Variants in CASR observed in about 807,000 individuals in gnomAD.
The protein encoded by CASR is calcium sensing receptor, also known as extracellular calcium-sensing receptor.
In CASR, 23 loss-of-function variants were observed where a neutral mutation model predicts 69.1. The observed-to-expected ratio is 0.33, with a 90% CI of 0.24 to 0.47. The LOEUF (loss-of-function observed/expected upper bound fraction) is 0.47. Among genes scored for constraint, CASR ranks in the 20% least tolerant of loss-of-function variants. CASR has a pLI of 1.00. For synonymous variants in CASR, 541 were observed against 544.7 expected, an observed-to-expected ratio of 0.99 and a Z score of 0.10; for missense variants, 924 against 1,356.1, an observed-to-expected ratio of 0.68 and a Z score of 5.00.
intron 1 of CASR, among the ~76,000 whole-genome samples, chr3:122,249,627 T>A (rs76887818): frequency 3.0e-4 from 45 of 152,368 alleles, no homozygotes; most frequent in African/African-American, 9.6e-4. Flanking sequence ...AACCACCTGG[T>A]GCACGGATCA....
intron 1 of CASR, among the ~76,000 whole-genome samples, chr3:122,226,588 G>T (rs1231044668): frequency 6.6e-6 from 1 of 152,100 alleles, no homozygotes; most frequent in Non-Finnish European, 1.5e-5. Context: ...ATTTTGACAG[G>T]GTGCTGATTG....
At chr3:122,253,232 C>A (rs1327719411) in intron 1 of CASR, among the ~76,000 whole-genome samples, 2 of 152,132 alleles carry the variant, frequency 1.3e-5, no homozygotes, top group Admixed American at 6.5e-5. Flanking sequence ...AAATATGACT[C>A]ATTCTCTATT....
At chr3:122,267,478 A>T (rs980217589) in intron 4 of CASR, among the ~76,000 whole-genome samples, 1 of 152,252 alleles carries the variant, frequency 6.6e-6, no homozygotes, top group East Asian at 1.9e-4. Flanking sequence ...AAATTTGTGG[A>T]TACGGAGAAG....
At position 122,222,588 on chromosome 3, in the gene CASR, G is replaced by A. The variant is rs145636829; in HGVS notation, c.-242-31360G>A. Among the ~76,000 whole-genome samples, 730 of 152,178 alleles carry A rather than the reference G, an allele frequency of 4.8e-3. 5 individuals are homozygous for A. The highest frequency in any genetic ancestry group is 8.1e-3 in the Non-Finnish European group (548 of 67,962). On this transcript the variant is annotated intron_variant, in intron 1 of 6. Coordinates refer to ENST00000639785, the MANE Select transcript of CASR (RefSeq NM_000388.4). ...ATAAAACAAGTTCTTAGAGATCTATGAAGAGATTTAGATAACCACACGATA... is the reference window on the plus strand; with the variant it reads ...ATAAAACAAGTTCTTAGAGATCTATAAAGAGATTTAGATAACCACACGATA...
At chr3:122,268,520 C>T (rs998523957) in intron 4 of CASR, among the ~76,000 whole-genome samples, 1 of 152,184 alleles carries the variant, frequency 6.6e-6, no homozygotes, top group Admixed American at 6.5e-5. Flanking sequence ...TGCCTTGAAC[C>T]CTGGGTGTTC....
At chr3:122,204,620 T>G (rs184270802) in intron 1 of CASR, among the ~76,000 whole-genome samples, 2 of 152,276 alleles carry the variant, frequency 1.3e-5, no homozygotes, top group Non-Finnish European at 2.9e-5. Flanking sequence ...CATATGGTAG[T>G]TCTATTTTTC....
intron 1 of CASR, among the ~76,000 whole-genome samples, chr3:122,212,799 G>A (rs1209106456): frequency 2.0e-5 from 3 of 152,014 alleles, no homozygotes; most frequent in Non-Finnish European, 2.9e-5. Context: ...GTGCCACCAT[G>A]CGTGGCTAAT....
At chr3:122,186,387 A>C (rs528357599) in intron 1 of CASR, among the ~76,000 whole-genome samples, 66 of 152,352 alleles carry the variant, frequency 4.3e-4, no homozygotes, top group Non-Finnish European at 7.9e-4. Context: ...TATAATGAAG[A>C]GGAAGAAGTT....
chr3:122,285,193 A>G lies in CASR; in HGVS notation c.*2A>G. The G allele has an allele frequency of 6.2e-7, 1 of 1,613,700 alleles. No individual in the cohort carries two copies. Among genetic ancestry groups the G allele is most frequent in the Non-Finnish European group, 8.5e-7 (1 of 1,179,800 alleles). On this transcript the variant is annotated 3_prime_UTR_variant, in exon 7 of 7. Coordinates refer to ENST00000639785, the MANE Select transcript of CASR (RefSeq NM_000388.4). ...ACAGAAAACGTAGTGAATTCATAAA[A>G]TGGAAGGAGAAGACTGGGCTAGGGA... is the stretch of plus-strand genomic sequence containing the variant.
intron 1 of CASR, among the ~76,000 whole-genome samples, chr3:122,195,567 C>A (rs34765993): frequency 0.17 from 25,211 of 152,150 alleles, 2,677 homozygotes; most frequent in African/African-American, 0.3. Context: ...CGAGGAATAT[C>A]ATTTACTGTT....
chr3:122,226,645 A>G (rs1461074882), intron 1 of CASR, among the ~76,000 whole-genome samples: 1 of 152,020 alleles, frequency 6.6e-6, no homozygotes, highest in Non-Finnish European at 1.5e-5. Context: ...CCATGTCCAC[A>G]CTAGATTAGC....
Position 122,274,676 on chromosome 3 carries a change from ATGG to A in CASR, c.1378-1134_1378-1132del, listed in dbSNP as rs943684810. Among the ~76,000 whole-genome samples, 3 of 152,294 alleles carry A rather than the reference ATGG, an allele frequency of 2.0e-5. No homozygotes were observed. The South Asian group carries it at 6.2e-4, about 32-fold the overall frequency. On this transcript the variant is annotated intron_variant, in intron 4 of 6. Transcript: ENST00000639785. ...CAGCACTTTGGGAGGCTGAGGCAGG[ATGG>A]TCGATTGAGCCCAGGAGTTTGAGAC...
chr3:122,197,839 C>A (rs55848097), intron 1 of CASR, among the ~76,000 whole-genome samples: 30,008 of 152,128 alleles, frequency 0.2, 3,866 homozygotes, highest in Admixed American at 0.39. Context: ...CCTTCATTGA[C>A]CCCCTTTCAT....
rs545036805 is a variant in CASR, at chr3:122,273,378, T to A, written c.1378-2434T>A. On this transcript the variant is annotated intron_variant, in intron 4 of 6. Coordinates refer to ENST00000639785, the MANE Select transcript of CASR (RefSeq NM_000388.4). ...ATCTAGAAAATGAAGATACTAATAG[T>A]TCTAATCCATAGAGGTGTTGTGAGG... 4.6e-5 allele frequency among the ~76,000 whole-genome samples: 7 copies of A among 152,294 alleles called. No individual in the cohort carries two copies. The South Asian group carries it at 1.5e-3, about 32-fold the overall frequency.
chr3:122,195,194 C>T (rs1287600728), intron 1 of CASR, among the ~76,000 whole-genome samples: 2 of 152,182 alleles, frequency 1.3e-5, no homozygotes, highest in Non-Finnish European at 2.9e-5. Context: ...TTTCCCACAA[C>T]TTGTCATTTC....
rs1275827144 is a variant in CASR at position 122,262,047 on chromosome 3, C to T, written c.1012C>T (p.His338Tyr). 1 of 1,614,174 alleles carries T rather than the reference C, an allele frequency of 6.2e-7. No individual in the cohort carries two copies. The highest frequency in any genetic ancestry group is 1.1e-5 in the South Asian group (1 of 91,080). The change falls in exon 4 of 7, where the codon CAT becomes TAT. Residue 338 changes from histidine to tyrosine, a missense_variant. Transcript: ENST00000639785. ...CTTCCGGGAATTCCTGAAGAAGGTCCATCCCAGGAAGTCTGTCCACAATGG... is the reference window on the plus strand; with the variant it reads ...CTTCCGGGAATTCCTGAAGAAGGTCTATCCCAGGAAGTCTGTCCACAATGG... ...PGFREFLKKVHPRKSVHNGFA... is the reference protein window; with the variant it reads ...PGFREFLKKVYPRKSVHNGFA...
chr3:122,239,905 G>C (rs1307874516), intron 1 of CASR, among the ~76,000 whole-genome samples: 3 of 152,102 alleles, frequency 2.0e-5, no homozygotes, highest in African/African-American at 4.8e-5. Context: ...TGCCCTCAAA[G>C]GGACAAATCT....
chr3:122,194,088 C>T (rs1214611927), intron 1 of CASR, among the ~76,000 whole-genome samples: 1 of 152,136 alleles, frequency 6.6e-6, no homozygotes, highest in Non-Finnish European at 1.5e-5. Context: ...ACATCCCGTG[C>T]TCTCCAGTCT....
At chr3:122,201,578 C>CA (rs1417924076) in intron 1 of CASR, among the ~76,000 whole-genome samples, 1 of 151,454 alleles carries the variant, frequency 6.6e-6, no homozygotes, top group African/African-American at 2.4e-5. Context: ...TAGGGGCAGC[C>CA]GGGCAGAGGC....
Sources: gnomAD v4.1 joint callset for allele counts (sites outside exome capture counted in the v4.1 genomes callset) on GRCh38, gnomAD v4.1.1 for gene constraint, MANE v1.5 for transcripts, NCBI Gene and HGNC (gene_info 2026-07-23, HGNC 2026-07-21) for gene names.